SRPK2: variants seen among roughly 807,000 people sequenced by gnomAD.
SRPK2 encodes SRSF protein kinase 2.
A neutral mutation model predicts 90.8 loss-of-function variants in SRPK2; 21 were observed. The observed-to-expected ratio is 0.23, with a 90% CI of 0.16 to 0.33. SRPK2 has a LOEUF of 0.33. Among genes scored for constraint, SRPK2 ranks in the 10% least tolerant of loss-of-function variants. The pLI is 1.00. For missense variants in SRPK2, 620 were observed against 869.0 expected, an observed-to-expected ratio of 0.71 and a Z score of 3.60; for synonymous variants, 288 against 311.1, an observed-to-expected ratio of 0.93 and a Z score of 0.78.
At chr7:105,155,141 C>T (rs1461574673) in intron 7 of SRPK2, among the ~76,000 whole-genome samples, 1 of 152,108 alleles carries the variant, frequency 6.6e-6, no homozygotes, top group Non-Finnish European at 1.5e-5. Context: ...CCACCACTCC[C>T]AGCTAATTTT....
intron 7 of SRPK2, among the ~76,000 whole-genome samples, chr7:105,148,493 T>G (rs879910518): frequency 6.6e-6 from 1 of 152,236 alleles, no homozygotes; most frequent in Non-Finnish European, 1.5e-5. Context: ...ACAAAATTTA[T>G]TTTTACAAAA....
chr7:105,310,644 AAAAT>A (rs72019024), intron 2 of SRPK2, among the ~76,000 whole-genome samples: 107,713 of 150,234 alleles, frequency 0.72, 39,152 homozygotes, highest in African/African-American at 0.84. Flanking sequence ...ACCTTGTCTC[AAAAT>A]AAATAAATAA....
intron 2 of SRPK2, among the ~76,000 whole-genome samples, chr7:105,301,310 G>T (rs1810523016): frequency 6.7e-6 from 1 of 149,636 alleles, no homozygotes; most frequent in Non-Finnish European, 1.5e-5. Flanking sequence ...AAAAGCCGCG[G>T]CTCCGGGTCC....
intron 2 of SRPK2, among the ~76,000 whole-genome samples, chr7:105,251,271 C>T (rs781071105): frequency 5.9e-5 from 9 of 152,228 alleles, no homozygotes; most frequent in Admixed American, 1.3e-4. Flanking sequence ...TCTTATATCA[C>T]AGGCACCCAA....
chr7:105,123,483 T>G (rs560509016), intron 15 of SRPK2, among the ~76,000 whole-genome samples: 31 of 152,342 alleles, frequency 2.0e-4, no homozygotes, highest in Non-Finnish European at 4.0e-4. Context: ...AACAGCTGTT[T>G]TAAATTTTGT....
intron 2 of SRPK2, among the ~76,000 whole-genome samples, chr7:105,262,698 C>A: frequency 6.6e-6 from 1 of 152,286 alleles, no homozygotes; most frequent in South Asian, 2.1e-4. Flanking sequence ...GCTTCTAATT[C>A]TGTTCCCCCT....
At chr7:105,301,552 G>C in intron 2 of SRPK2, 1 of 1,569,562 alleles carries the variant, frequency 6.4e-7, no homozygotes, top group East Asian at 2.2e-5. Flanking sequence ...GATGGAACTA[G>C]AAGCATTACG....
At chr7:105,381,302 C>G (rs187410436) in intron 2 of SRPK2, among the ~76,000 whole-genome samples, 3 of 151,924 alleles carry the variant, frequency 2.0e-5, no homozygotes, top group Admixed American at 6.6e-5. Flanking sequence ...TCTGGCCAGG[C>G]GCAGTGGCTC....
At chr7:105,193,602 G>A (rs745779903) in intron 3 of SRPK2, among the ~76,000 whole-genome samples, 69 of 152,246 alleles carry the variant, frequency 4.5e-4, no homozygotes, top group African/African-American at 1.6e-3. Flanking sequence ...GAATTGCACC[G>A]AATTTGTAGA....
chr7:105,255,316 C>A (rs1443661502), intron 2 of SRPK2, among the ~76,000 whole-genome samples: 1 of 151,704 alleles, frequency 6.6e-6, no homozygotes, highest in African/African-American at 2.4e-5. Flanking sequence ...ACAGCAAATA[C>A]CCGTATCTGC....
chr7:105,191,292 G>A (rs1794246693), intron 3 of SRPK2, among the ~76,000 whole-genome samples: 1 of 152,150 alleles, frequency 6.6e-6, no homozygotes, highest in Non-Finnish European at 1.5e-5. Context: ...AAATCCGCCA[G>A]GCATGGTGAC....
intron 2 of SRPK2, among the ~76,000 whole-genome samples, chr7:105,228,421 T>C (rs1798988449): frequency 6.6e-6 from 1 of 152,222 alleles, no homozygotes; most frequent in African/African-American, 2.4e-5. Context: ...GAAATTCCAA[T>C]TTCTGGATAC....
chr7:105,142,383 C>T lies in SRPK2; in HGVS notation c.1168G>A (p.Glu390Lys), dbSNP rs1190948755. The change falls in exon 11 of 16, where the codon GAA becomes AAA. Residue 390 changes from glutamate to lysine, a missense_variant. Physicochemically the swap from Glu to Lys is moderately conservative, Grantham distance 56. This residue lies in a region of SRPK2 where 243 missense variants were observed against 245.7 expected (regional missense o/e 0.99). Coordinates refer to ENST00000393651, the MANE Select transcript of SRPK2 (RefSeq NM_182692.3). ...ELANIDPTWI[E>K]SPKTNGHIEN... ...ATATGGCCATTGGTTTTAGGTGATT[C>T]TATCCACGTAGGGTCTATGTTCGCA... 6.2e-7 allele frequency: 1 copy of T among 1,614,124 alleles called. No individual in the cohort carries two copies.
intron 2 of SRPK2, chr7:105,268,742 T>C (rs1805432677): frequency 4.0e-6 from 6 of 1,517,170 alleles, no homozygotes; most frequent in Non-Finnish European, 4.5e-6. Flanking sequence ...AAAAAAAATA[T>C]GTCCTGGTTT....
chr7:105,351,211 A>C (rs1817134877), intron 2 of SRPK2, among the ~76,000 whole-genome samples: 1 of 151,976 alleles, frequency 6.6e-6, no homozygotes, highest in African/African-American at 2.4e-5. Context: ...CCCCCTAACC[A>C]TGTGATACTC....
At chr7:105,152,847 A>G (rs1805911530) in intron 7 of SRPK2, among the ~76,000 whole-genome samples, 1 of 152,138 alleles carries the variant, frequency 6.6e-6, no homozygotes, top group Non-Finnish European at 1.5e-5. Flanking sequence ...CATCCTGGCC[A>G]ACATGGTGAA....
At position 105,195,566 on chromosome 7, in the gene SRPK2, C is replaced by T. The variant is rs141841565; in HGVS notation, c.229+8062G>A. 2.9e-3 allele frequency among the ~76,000 whole-genome samples: 449 copies of T among 152,292 alleles called. 1 individual carries two copies. Among genetic ancestry groups the T allele is most frequent in the African/African-American group, 0.01 (417 of 41,562 alleles). Reference sequence around the variant, plus strand: ...TTCTACCATCAATTTTTAGTTTCCCCATTTGTTAGGAAAACACAAGCAGTT... The same window carrying T: ...TTCTACCATCAATTTTTAGTTTCCCTATTTGTTAGGAAAACACAAGCAGTT... On this transcript the variant is annotated intron_variant, in intron 3 of 15. Transcript: ENST00000393651.
intron 3 of SRPK2, among the ~76,000 whole-genome samples, chr7:105,184,891 T>G (rs1338088727): frequency 6.6e-6 from 1 of 152,220 alleles, no homozygotes; most frequent in Non-Finnish European, 1.5e-5. Context: ...GACTTTATGA[T>G]AGTTTTTATA....
intron 2 of SRPK2, among the ~76,000 whole-genome samples, chr7:105,245,689 C>T (rs992331823): frequency 3.9e-5 from 6 of 152,034 alleles, no homozygotes; most frequent in Non-Finnish European, 7.4e-5. Flanking sequence ...TAAAGTAACT[C>T]GGGCTTCTGC....
Sources: gnomAD v4.1 joint callset for allele counts (sites outside exome capture counted in the v4.1 genomes callset) on GRCh38, gnomAD v4.1.1 for gene constraint, gnomAD v4.1.1 regional missense constraint, MANE v1.5 for transcripts, NCBI Gene and HGNC (gene_info 2026-07-23, HGNC 2026-07-21) for gene names.